UNC5C: variants seen among roughly 807,000 people sequenced by gnomAD.
UNC5C encodes netrin receptor UNC5C.
In UNC5C, 47 loss-of-function variants were observed where a neutral mutation model predicts 99.8. That is an observed-to-expected ratio of 0.47 (90% CI 0.37 to 0.60). The LOEUF (loss-of-function observed/expected upper bound fraction) is 0.60. Ranked by LOEUF, UNC5C falls within the 20% of genes least tolerant of loss-of-function variation. UNC5C has a pLI of 0.00. For synonymous variants in UNC5C, 487 were observed against 452.2 expected (o/e 1.08, Z -0.98); for missense variants, 1,062 against 1,165.9 (o/e 0.91, Z 1.30).
At chr4:95,207,459 A>G (rs1262096965) in intron 10 of UNC5C, among the ~76,000 whole-genome samples, 11 of 152,212 alleles carry the variant, frequency 7.2e-5, no homozygotes, top group Non-Finnish European at 1.5e-4. Context: ...TTATATATAA[A>G]AATTGCCTTT....
intron 1 of UNC5C, among the ~76,000 whole-genome samples, chr4:95,534,654 A>G (rs1722730535): frequency 6.6e-6 from 1 of 152,150 alleles, no homozygotes; most frequent in South Asian, 2.1e-4. Context: ...ATCATGATTA[A>G]CACATATATG....
intron 1 of UNC5C, among the ~76,000 whole-genome samples, chr4:95,390,139 A>C (rs115855403): frequency 1.4e-4 from 21 of 152,288 alleles, no homozygotes; most frequent in African/African-American, 5.1e-4. Flanking sequence ...AGACTCAGTA[A>C]GTGCTAAATC....
intron 7 of UNC5C, among the ~76,000 whole-genome samples, chr4:95,233,094 C>T (rs557213730): frequency 6.6e-6 from 1 of 152,218 alleles, no homozygotes; most frequent in South Asian, 2.1e-4. Flanking sequence ...TCCACCTGGG[C>T]TTCTGGGGGC....
At chr4:95,205,495 G>T (rs570549565) in intron 11 of UNC5C, among the ~76,000 whole-genome samples, 1 of 152,092 alleles carries the variant, frequency 6.6e-6, no homozygotes, top group East Asian at 1.9e-4. Flanking sequence ...GGGATACTCT[G>T]GTACTCGTCT....
At chr4:95,296,931 G>A (rs116747063) in intron 3 of UNC5C, among the ~76,000 whole-genome samples, 14 of 152,224 alleles carry the variant, frequency 9.2e-5, no homozygotes, top group Admixed American at 5.9e-4. Flanking sequence ...TTTCAGGCCT[G>A]GTCCCACCTG....
rs556118858 is a variant in UNC5C at position 95,394,394 on chromosome 4, C to A, written c.125-58763G>T. Among the ~76,000 whole-genome samples the A allele has an allele frequency of 9.2e-5, 14 of 152,260 alleles. No individual in the cohort carries two copies. The South Asian group carries it at 2.9e-3, about 32-fold the overall frequency. ...AAGTGCATCTAATTGGAAAACTCCT[C>A]TTGGGAGAACAGGGATCGACTTTTA... On this transcript the variant is annotated intron_variant, in intron 1 of 15. Coordinates refer to ENST00000453304, the MANE Select transcript of UNC5C (RefSeq NM_003728.4).
chr4:95,203,476 A>T (rs1379073492), intron 11 of UNC5C, among the ~76,000 whole-genome samples: 2 of 151,798 alleles, frequency 1.3e-5, no homozygotes, highest in Non-Finnish European at 2.9e-5. Context: ...TATTTATTTA[A>T]TTTATTAATT....
intron 1 of UNC5C, among the ~76,000 whole-genome samples, chr4:95,462,901 A>G (rs1747647392): frequency 6.6e-6 from 1 of 152,176 alleles, no homozygotes; most frequent in Non-Finnish European, 1.5e-5. Flanking sequence ...GTTAGGGGTC[A>G]TGAGGGGGTG....
At chr4:95,307,185 T>G (rs149986150) in intron 2 of UNC5C, among the ~76,000 whole-genome samples, 45 of 152,146 alleles carry the variant, frequency 3.0e-4, no homozygotes, top group African/African-American at 1.0e-3. Flanking sequence ...TAACAATCTT[T>G]AACTACTATA....
At chr4:95,312,492 C>T (rs1378761502) in intron 2 of UNC5C, among the ~76,000 whole-genome samples, 1 of 152,144 alleles carries the variant, frequency 6.6e-6, no homozygotes, top group Non-Finnish European at 1.5e-5. Context: ...TTTTGAACAG[C>T]TACTGTGCAT....
At chr4:95,352,047 T>A (rs752895903) in intron 1 of UNC5C, among the ~76,000 whole-genome samples, 6 of 152,104 alleles carry the variant, frequency 3.9e-5, no homozygotes, top group Non-Finnish European at 8.8e-5. Context: ...CTTTAGTCTC[T>A]CCCCAAGGCA....
chr4:95,347,757 T>TA (rs1743831491), intron 1 of UNC5C, among the ~76,000 whole-genome samples: 1 of 151,842 alleles, frequency 6.6e-6, no homozygotes, highest in South Asian at 2.1e-4. Flanking sequence ...AGAAATTGAA[T>TA]AAAAAATGGA....
chr4:95,362,857 G>A (rs1285191293), intron 1 of UNC5C, among the ~76,000 whole-genome samples: 1 of 152,110 alleles, frequency 6.6e-6, no homozygotes, highest in East Asian at 1.9e-4. Context: ...TCAAGAAAAT[G>A]AAACAAGTTA....
intron 9 of UNC5C, 64 bp downstream of exon 9, chr4:95,218,905 A>G: frequency 2.0e-6 from 3 of 1,483,444 alleles, no homozygotes; most frequent in Non-Finnish European, 2.7e-6. Flanking sequence ...CGAACAAAAA[A>G]GATTTTGGTA....
At chr4:95,490,802 G>A (rs1300001415) in intron 1 of UNC5C, among the ~76,000 whole-genome samples, 1 of 151,674 alleles carries the variant, frequency 6.6e-6, no homozygotes, top group East Asian at 1.9e-4. Flanking sequence ...ATAATATGCT[G>A]TAACAAATGA....
intron 5 of UNC5C, 79 bp downstream of exon 5, chr4:95,250,408 A>T (rs1739654579): frequency 2.1e-6 from 3 of 1,432,092 alleles, no homozygotes; most frequent in South Asian, 2.6e-5. Context: ...TTTTAAAAAA[A>T]GGGCTTCTAG....
intron 1 of UNC5C, among the ~76,000 whole-genome samples, chr4:95,400,285 G>A (rs535816207): frequency 2.0e-5 from 3 of 151,768 alleles, no homozygotes; most frequent in African/African-American, 7.3e-5. Context: ...TTCTGAGAGA[G>A]GAGAAATGTC....
chr4:95,407,432 G>A (rs899314409), intron 1 of UNC5C, among the ~76,000 whole-genome samples: 1 of 152,030 alleles, frequency 6.6e-6, no homozygotes, highest in African/African-American at 2.4e-5. Flanking sequence ...CAGAGAAATC[G>A]CAGGTGGACA....
chr4:95,264,073 A>T (rs1740343910), intron 4 of UNC5C, among the ~76,000 whole-genome samples: 1 of 152,188 alleles, frequency 6.6e-6, no homozygotes. Flanking sequence ...ATAACTGAAC[A>T]CTGTGGTTTG....
Sources: allele counts gnomAD v4.1 joint callset (sites outside exome capture counted in the v4.1 genomes callset), GRCh38; gene constraint gnomAD v4.1.1; transcripts MANE v1.5; gene names NCBI Gene and HGNC (gene_info 2026-07-23, HGNC 2026-07-21).